The following SLK variants were observed in gnomAD, a reference collection of about 807,000 sequenced individuals.
SLK encodes STE20-like serine/threonine-protein kinase.
A neutral mutation model predicts 147.7 loss-of-function variants in SLK; 67 were observed. That is an observed-to-expected ratio of 0.45 (90% CI 0.37 to 0.56). The LOEUF (loss-of-function observed/expected upper bound fraction) is 0.56. SLK is among the 20% of genes least tolerant of loss of function. SLK has a pLI of 0.00. For missense variants in SLK, 1,136 were observed against 1,438.8 expected, an observed-to-expected ratio of 0.79 and a Z score of 3.41; for synonymous variants, 441 against 475.0, an observed-to-expected ratio of 0.93 and a Z score of 0.93.
At chr10:103,981,157 C>T (rs892196610) in intron 1 of SLK, among the ~76,000 whole-genome samples, 15 of 151,318 alleles carry the variant, frequency 9.9e-5, no homozygotes, top group African/African-American at 3.7e-4. Flanking sequence ...GCTCCTTTGC[C>T]TATTTTTGAA....
At chr10:104,019,187 T>G in intron 15 of SLK, 1 of 275,842 alleles carries the variant, frequency 3.6e-6, no homozygotes, top group South Asian at 4.8e-5. Flanking sequence ...CTATTTTGGC[T>G]CTATTTGTGG....
Position 104,008,239 on chromosome 10 carries a change from C to G in SLK, c.2667C>G (p.Ile889Met). 3 of 1,613,910 alleles carry G rather than the reference C, an allele frequency of 1.9e-6. No individual in the cohort carries two copies. The highest frequency in any genetic ancestry group is 2.5e-6 in the Non-Finnish European group (3 of 1,179,912). The change falls in exon 12 of 19, where the codon ATC becomes ATG. Residue 889 changes from isoleucine (I) to methionine (M), a missense_variant. By Grantham distance (10) the Ile-to-Met change is conservative (BLOSUM62 1). Coordinates refer to ENST00000369755, the MANE Select transcript of SLK (RefSeq NM_014720.4). ...ENLEKQQKQT[I>M]ERLEQEHTNR... The stretch of plus-strand genomic sequence containing the variant: ...TAGAAAAACAGCAGAAACAGACTAT[C>G]GAACGCCTGGAACAAGAGCACACAA...
Position 103,967,634 on chromosome 10 carries a change from A to ACGCCGCGCCCGC in SLK, c.-105_-94dup. On this transcript the variant is annotated 5_prime_UTR_variant, in exon 1 of 19. Transcript: ENST00000369755. Reference sequence around the variant, plus strand: ...CGGCCGGAGCTGCGGGGGCCGAGGGACGCCGCGCCCGCCGCCGCCAGCCGG... The same window carrying ACGCCGCGCCCGC: ...CGGCCGGAGCTGCGGGGGCCGAGGGACGCCGCGCCCGCCGCCGCGCCCGCCGCCGCCAGCCGG... 1 of 906,084 alleles carries ACGCCGCGCCCGC rather than the reference A, an allele frequency of 1.1e-6. No homozygotes were observed. 56.1% of individuals were successfully genotyped at this position (906,084 alleles called of 1,614,324 possible). A position where few individuals can be genotyped will look rare whatever the true frequency, so the allele number is the denominator to read the frequency against.
intron 1 of SLK, among the ~76,000 whole-genome samples, chr10:103,972,723 G>T: frequency 6.6e-6 from 1 of 151,098 alleles, no homozygotes. Flanking sequence ...ATTTAATATT[G>T]TCAGAATTTT....
At chr10:104,001,013 C>A (rs565598515) in intron 7 of SLK, among the ~76,000 whole-genome samples, 1 of 120,070 alleles carries the variant, frequency 8.3e-6, no homozygotes, top group Non-Finnish European at 1.6e-5. Flanking sequence ...AAGTTGAAAT[C>A]GTGCCACTGC....
Position 104,026,111 on chromosome 10 carries a change from A to C in SLK, c.*391A>C, listed in dbSNP as rs1844595342. On this transcript the variant is annotated 3_prime_UTR_variant, in exon 19 of 19. Transcript: ENST00000369755. ...TAACTTCTCAATGCCTAAATTCTGT[A>C]GTTGAAGCTCTGCTGCAGAGAGTTG... The C allele has an allele frequency of 6.4e-6, 1 of 156,262 alleles. No homozygotes were observed. 9.7% of individuals were successfully genotyped at this position (156,262 alleles called of 1,614,324 possible).
intron 6 of SLK, 76 bp downstream of exon 6, chr10:103,999,389 A>G (rs896591842): frequency 5.4e-6 from 6 of 1,105,542 alleles, no homozygotes; most frequent in East Asian, 4.9e-5. Context: ...TATTCTCACA[A>G]TTTTCCAAGA....
At chr10:103,979,704 G>A (rs1245472661) in intron 1 of SLK, among the ~76,000 whole-genome samples, 2 of 152,006 alleles carry the variant, frequency 1.3e-5, no homozygotes, top group Non-Finnish European at 2.9e-5. Context: ...AGTCTTTTGG[G>A]CTCTCTTTCT....
intron 13 of SLK, among the ~76,000 whole-genome samples, chr10:104,016,188 G>T (rs867370977): frequency 5.3e-5 from 8 of 152,024 alleles, no homozygotes; most frequent in African/African-American, 1.9e-4. Flanking sequence ...GCGTGGTGGT[G>T]GGCGCCTGTA....
intron 17 of SLK, among the ~76,000 whole-genome samples, 168 bp from the exon 18 acceptor site, chr10:104,021,452 C>T (rs1208584670): frequency 6.6e-6 from 1 of 152,150 alleles, no homozygotes; most frequent in Admixed American, 6.5e-5. Context: ...AAAAATGAAG[C>T]TATGATTCAT....
At chr10:103,989,798 C>T (rs369645560) in intron 1 of SLK, among the ~76,000 whole-genome samples, 1 of 152,142 alleles carries the variant, frequency 6.6e-6, no homozygotes, top group East Asian at 1.9e-4. Flanking sequence ...AAAAACTAAA[C>T]ATACTCTTAC....
intron 1 of SLK, among the ~76,000 whole-genome samples, chr10:103,989,975 A>T (rs548189650): frequency 3.6e-4 from 55 of 152,350 alleles, no homozygotes; most frequent in African/African-American, 1.3e-3. Flanking sequence ...CTGTGGTATA[A>T]CTAGACAATA....
rs1208916254 is a variant in SLK, at chr10:104,027,272, G to T, written c.*1552G>T. 1 of 152,618 alleles carries T rather than the reference G, an allele frequency of 6.6e-6. No homozygotes were observed. The highest frequency in any genetic ancestry group is 6.5e-5 in the Admixed American group (1 of 15,276). 9.5% of individuals were successfully genotyped at this position (152,618 alleles called of 1,614,324 possible). A position where few individuals can be genotyped will look rare whatever the true frequency, so the allele number is the denominator to read the frequency against. ...TGATTTAGATGATTTAAAAATGCAT[G>T]TGTGATTTGAATTTTATAATTGTTT... On this transcript the variant is annotated 3_prime_UTR_variant, in exon 19 of 19. Transcript: ENST00000369755.
chr10:103,977,031 T>A (rs1843881462), intron 1 of SLK, among the ~76,000 whole-genome samples: 1 of 152,192 alleles, frequency 6.6e-6, no homozygotes, highest in Admixed American at 6.5e-5. Flanking sequence ...CATTGCCAAA[T>A]GTCTCCTGGA....
chr10:104,013,621 C>A (rs572550894), intron 13 of SLK, among the ~76,000 whole-genome samples: 2 of 152,322 alleles, frequency 1.3e-5, no homozygotes, highest in South Asian at 4.1e-4. Context: ...GCATTCTATT[C>A]TGATCCACAG....
At chr10:103,977,521 G>A (rs1300161420) in intron 1 of SLK, among the ~76,000 whole-genome samples, 1 of 152,188 alleles carries the variant, frequency 6.6e-6, no homozygotes, top group African/African-American at 2.4e-5. Context: ...AGGCTGAAGT[G>A]GGAGGATCCC....
chr10:104,021,547 TG>T (rs1482843240), intron 17 of SLK, 72 bp from the exon 18 acceptor site: 1 of 773,756 alleles, frequency 1.3e-6, no homozygotes, highest in Non-Finnish European at 2.2e-6. Flanking sequence ...TTTATTATTA[TG>T]GAAGATAATT....
rs1844522404 is a variant in SLK, at chr10:104,020,625, A to G, written c.3447+12A>G. On this transcript the variant is annotated intron_variant, in intron 17 of 18. Coordinates refer to ENST00000369755, the MANE Select transcript of SLK (RefSeq NM_014720.4). ...TGCATCAGCTGCAGGTCAGATACAG[A>G]AGCCTGACAGCAAAGCCCATAGGAT... The G allele has an allele frequency of 6.2e-7, 1 of 1,607,796 alleles. No individual in the cohort carries two copies. Among genetic ancestry groups the G allele is most frequent in the Non-Finnish European group, 8.5e-7 (1 of 1,178,034 alleles).
At chr10:103,972,285 T>C (rs953795829) in intron 1 of SLK, among the ~76,000 whole-genome samples, 1 of 152,206 alleles carries the variant, frequency 6.6e-6, no homozygotes, top group African/African-American at 2.4e-5. Context: ...AATCCAGGAA[T>C]GGAATTGCTA....
Sources: allele counts gnomAD v4.1 joint callset (sites outside exome capture counted in the v4.1 genomes callset), GRCh38; gene constraint gnomAD v4.1.1; transcripts MANE v1.5; gene names NCBI Gene and HGNC (gene_info 2026-07-23, HGNC 2026-07-21).